The following STK33 variants were observed in gnomAD, a reference collection of about 807,000 sequenced individuals.
The protein encoded by STK33 is serine/threonine-protein kinase 33.
Under a neutral mutation model 58.0 loss-of-function variants are expected in STK33, and 52 were observed. The observed-to-expected ratio is 0.90, with a 90% CI of 0.72 to 1.13. The LOEUF (loss-of-function observed/expected upper bound fraction) is 1.13. Ranked by LOEUF, STK33 falls within the 50% of genes most tolerant of loss-of-function variation. STK33 has a pLI of 0.00. For missense variants in STK33, 630 were observed against 604.2 expected, an observed-to-expected ratio of 1.04 and a Z score of -0.45; for synonymous variants, 215 against 200.1, an observed-to-expected ratio of 1.07 and a Z score of -0.63.
chr11:8,339,494 T>C, the STK33 span, among the ~76,000 whole-genome samples: 181 of 152,300 alleles, frequency 1.2e-3, 1 homozygote, highest in African/African-American at 4.0e-3. Context: ...AGCAGAATAA[T>C]AAATTGTTCC....
At chr11:8,527,190 G>A (rs1382459527) in intron 1 of STK33, among the ~76,000 whole-genome samples, 1 of 151,952 alleles carries the variant, frequency 6.6e-6, no homozygotes, top group Non-Finnish European at 1.5e-5. Context: ...TGGCCAGGCT[G>A]GTCTAGAAGT....
chr11:8,487,647 G>T (rs1950284932), intron 1 of STK33, among the ~76,000 whole-genome samples: 1 of 152,014 alleles, frequency 6.6e-6, no homozygotes, highest in South Asian at 2.1e-4. Context: ...CAGCAAGGAG[G>T]TCATTTCTTG....
chr11:8,583,207 T>C (rs1051614413), intron 1 of STK33, among the ~76,000 whole-genome samples: 1 of 152,192 alleles, frequency 6.6e-6, no homozygotes, highest in Non-Finnish European at 1.5e-5. Flanking sequence ...ATGTGTCCCC[T>C]TGGTCATACC....
intron 14 of STK33, among the ~76,000 whole-genome samples, chr11:8,421,470 C>G (rs1941913184): frequency 2.0e-5 from 3 of 152,112 alleles, no homozygotes; most frequent in African/African-American, 7.2e-5. Context: ...TGTTTCTGTA[C>G]TCTGTTTTAT....
intron 11 of STK33, among the ~76,000 whole-genome samples, chr11:8,445,944 G>C (rs1945396206): frequency 6.6e-6 from 1 of 152,220 alleles, no homozygotes; most frequent in Non-Finnish European, 1.5e-5. Context: ...AATAGTTTCA[G>C]AAGGAATGGT....
rs373068125 is a variant in STK33 at position 8,522,938 on chromosome 11, C to T, written c.-465-42324G>A. On this transcript the variant is annotated intron_variant, in intron 1 of 15. Transcript: ENST00000687296. ...TGCCGAGTGCCTGGGATTGCAGGCG[C>T]GCGCCACCACGCCTGACTGGTTTTC... 8.4e-3 allele frequency among the ~76,000 whole-genome samples: 1,277 copies of T among 152,268 alleles called. 8 individuals are homozygous for T. Among genetic ancestry groups the T allele is most frequent in the Non-Finnish European group, 0.013 (893 of 68,010 alleles).
chr11:8,404,698 C>A (rs11041908), intron 15 of STK33, among the ~76,000 whole-genome samples: 14,995 of 152,180 alleles, frequency 0.099, 1,354 homozygotes, highest in African/African-American at 0.24. Flanking sequence ...GGATGTACCA[C>A]AATTTGTTTA....
chr11:8,477,433 T>C (rs1949386542), intron 2 of STK33, 150 bp from the exon 3 acceptor site: 1 of 152,162 alleles, frequency 6.6e-6, no homozygotes, highest in Admixed American at 6.5e-5. Context: ...CCATGTCAGA[T>C]GTGTAAAACA....
intron 1 of STK33, among the ~76,000 whole-genome samples, chr11:8,527,035 A>T (rs1954100178): frequency 6.6e-6 from 1 of 150,906 alleles, no homozygotes; most frequent in East Asian, 1.9e-4. Flanking sequence ...GCAATGACAT[A>T]ATCTCGGCTC....
At chr11:8,522,443 G>A (rs1052858753) in intron 1 of STK33, among the ~76,000 whole-genome samples, 23 of 151,224 alleles carry the variant, frequency 1.5e-4, no homozygotes, top group Non-Finnish European at 1.5e-5. Flanking sequence ...TTGGACACAG[G>A]GTGGGGAACA....
At chr11:8,393,034 T>C (rs1301781021) in intron 15 of STK33, among the ~76,000 whole-genome samples, 2 of 152,216 alleles carry the variant, frequency 1.3e-5, no homozygotes, top group Non-Finnish European at 2.9e-5. Flanking sequence ...ACTTCATCTT[T>C]ACAGATTTCT....
At chr11:8,547,412 C>T (rs1180715441) in intron 1 of STK33, among the ~76,000 whole-genome samples, 1 of 152,144 alleles carries the variant, frequency 6.6e-6, no homozygotes, top group Non-Finnish European at 1.5e-5. Context: ...TGAGGTTTCA[C>T]CATGTTGACC....
At chr11:8,529,356 T>C (rs906886061) in intron 1 of STK33, among the ~76,000 whole-genome samples, 1 of 152,114 alleles carries the variant, frequency 6.6e-6, no homozygotes, top group Admixed American at 6.5e-5. Flanking sequence ...CAGAGAAAGC[T>C]AGTGTAAGAC....
At chr11:8,534,568 C>CTCTCTCTCTCTCTGTGTGTGTGTGTGTG (rs1402710450) in intron 1 of STK33, among the ~76,000 whole-genome samples, 2 of 104,694 alleles carry the variant, frequency 1.9e-5, no homozygotes, top group African/African-American at 8.2e-5. Flanking sequence ...CTCTCTCTCT[C>CTCTCTCTCTCTCTGTGTGTGTGTGTGTG]TGTGTGTGTG....
chr11:8,407,882 G>A (rs1332276744), intron 15 of STK33, among the ~76,000 whole-genome samples: 1 of 152,128 alleles, frequency 6.6e-6, no homozygotes, highest in Non-Finnish European at 1.5e-5. Flanking sequence ...AACACGCTTA[G>A]CAATAGCATT....
the STK33 span, among the ~76,000 whole-genome samples, chr11:8,378,945 C>T: frequency 6.6e-6 from 1 of 152,100 alleles, no homozygotes; most frequent in East Asian, 1.9e-4. Flanking sequence ...TAAAAGTAGA[C>T]ACGTAGACCA....
At chr11:8,560,478 C>T (rs1161015184) in intron 1 of STK33, among the ~76,000 whole-genome samples, 2 of 152,036 alleles carry the variant, frequency 1.3e-5, no homozygotes, top group South Asian at 4.1e-4. Flanking sequence ...TTCTGTCAAA[C>T]ATATTGCAAT....
downstream of STK33, among the ~76,000 whole-genome samples, chr11:8,386,947 A>G (rs1848552152): frequency 6.6e-6 from 1 of 152,212 alleles, no homozygotes; most frequent in African/African-American, 2.4e-5. Context: ...GTCTGCACAG[A>G]AAGGACGGTC....
At chr11:8,575,687 A>C (rs1283897519) in intron 1 of STK33, among the ~76,000 whole-genome samples, 1 of 152,110 alleles carries the variant, frequency 6.6e-6, no homozygotes, top group Non-Finnish European at 1.5e-5. Flanking sequence ...AATGCCACTG[A>C]ATTGTATACT....
Sources: gnomAD v4.1 joint callset for allele counts (sites outside exome capture counted in the v4.1 genomes callset) on GRCh38, gnomAD v4.1.1 for gene constraint, MANE v1.5 for transcripts, NCBI Gene and HGNC (gene_info 2026-07-23, HGNC 2026-07-21) for gene names.